SPAG16: variants seen among roughly 807,000 people sequenced by gnomAD.
The protein encoded by SPAG16 is sperm-associated antigen 16 protein.
Under a neutral mutation model 80.4 loss-of-function variants are expected in SPAG16, and 86 were observed. That is an observed-to-expected ratio of 1.07 (90% CI 0.90 to 1.28). The LOEUF (loss-of-function observed/expected upper bound fraction) is 1.28. Among genes scored for constraint, SPAG16 ranks in the 50% most tolerant of loss-of-function variants. The probability of loss-of-function intolerance (pLI) is 0.00; values close to 1 mark genes in which losing one functional copy is unlikely to be tolerated. For missense variants in SPAG16, 870 were observed against 765.3 expected (o/e 1.14, Z -1.61); for synonymous variants, 294 against 265.9 (o/e 1.11, Z -1.03).
intron 15 of SPAG16, among the ~76,000 whole-genome samples, chr2:214,227,702 ATGTGTGTGTG>A (rs3044944): frequency 0.087 from 12,702 of 145,750 alleles, 1,583 homozygotes; most frequent in African/African-American, 0.28. Flanking sequence ...TGGAAGGTGT[ATGTGTGTGTG>A]TGTGTGTGTG....
intron 12 of SPAG16, among the ~76,000 whole-genome samples, chr2:213,979,236 C>A (rs1191424525): frequency 1.3e-5 from 2 of 151,534 alleles, no homozygotes; most frequent in East Asian, 3.9e-4. Context: ...TTAGTCATGT[C>A]TCTCTTTTTA....
chr2:213,883,230 A>T (rs55730342), intron 11 of SPAG16, among the ~76,000 whole-genome samples: 90,422 of 152,042 alleles, frequency 0.59, 28,768 homozygotes, highest in South Asian at 0.85. Flanking sequence ...TAATTTCAAT[A>T]CTTTTTTATT....
At chr2:213,672,851 TTTTG>T (rs201995728) in intron 10 of SPAG16, among the ~76,000 whole-genome samples, 1,521 of 148,740 alleles carry the variant, frequency 0.01, 13 homozygotes, top group Middle Eastern at 0.046. Context: ...GTTTGTTTTA[TTTTG>T]TTTGTTTTTT....
Position 213,860,460 on chromosome 2 carries a change from CAG to C in SPAG16, c.1071-2023_1071-2022del, listed in dbSNP as rs201370784. ...ATTTATAGATATATGTATATATATA[CAG>C]ATATATCTATCTATATATATATATA... On this transcript the variant is annotated intron_variant, in intron 10 of 15. Coordinates refer to ENST00000331683, the MANE Select transcript of SPAG16 (RefSeq NM_024532.5). Among the ~76,000 whole-genome samples the C allele has an allele frequency of 6.7e-3, 880 of 131,278 alleles. 6 individuals carry two copies. The highest frequency in any genetic ancestry group is 9.8e-3 in the Non-Finnish European group (611 of 62,232). The allele number at this position is 131,278 out of a possible 152,430, so 86.1% of individuals were successfully genotyped here.
chr2:213,949,175 T>TG (rs1472151386), intron 12 of SPAG16, among the ~76,000 whole-genome samples: 2 of 17,208 alleles, frequency 1.2e-4, no homozygotes, highest in East Asian at 2.2e-3. Context: ...AACAGTTTTT[T>TG]TTTTTTTTTT....
At position 213,504,775 on chromosome 2, in the gene SPAG16, G is replaced by T. The variant is rs543381472; in HGVS notation, c.1070+14685G>T. On this transcript the variant is annotated intron_variant, in intron 10 of 15. Coordinates refer to ENST00000331683, the MANE Select transcript of SPAG16 (RefSeq NM_024532.5). Reference sequence around the variant, plus strand: ...GGGAAAAAAGGGGAAGTTTATAAAAGCTCCAAGCTATAATCAAGTGAGGTT... The same window carrying T: ...GGGAAAAAAGGGGAAGTTTATAAAATCTCCAAGCTATAATCAAGTGAGGTT... 3.3e-5 allele frequency among the ~76,000 whole-genome samples: 5 copies of T among 152,332 alleles called. No homozygotes were observed. In the East Asian group the frequency reaches 9.6e-4, roughly 29 times the overall value.
At chr2:213,634,707 G>A (rs2062292224) in intron 10 of SPAG16, among the ~76,000 whole-genome samples, 1 of 152,094 alleles carries the variant, frequency 6.6e-6, no homozygotes, top group Non-Finnish European at 1.5e-5. Context: ...TATAACCCGA[G>A]CAGTGTACAC....
intron 10 of SPAG16, among the ~76,000 whole-genome samples, chr2:213,674,612 C>T (rs1382190109): frequency 6.7e-6 from 1 of 149,200 alleles, no homozygotes; most frequent in Non-Finnish European, 1.5e-5. Flanking sequence ...TCAATTCCCA[C>T]CTATGAGTGA....
intron 12 of SPAG16, among the ~76,000 whole-genome samples, chr2:214,011,896 A>G (rs1346072143): frequency 6.6e-6 from 1 of 152,062 alleles, no homozygotes; most frequent in Non-Finnish European, 1.5e-5. Context: ...GGAAGGGCAT[A>G]TTTTGCTTCT....
At chr2:214,140,650 C>A (rs934329702) in intron 14 of SPAG16, among the ~76,000 whole-genome samples, 6 of 151,422 alleles carry the variant, frequency 4.0e-5, no homozygotes, top group African/African-American at 1.5e-4. Flanking sequence ...TTAGTTATAC[C>A]TTGTGGCTAG....
chr2:214,048,787 T>A (rs573471798), intron 13 of SPAG16, among the ~76,000 whole-genome samples: 1 of 152,330 alleles, frequency 6.6e-6, no homozygotes, highest in Admixed American at 6.5e-5. Flanking sequence ...ATTGCATGCC[T>A]GTATTAAAAT....
chr2:214,184,257 T>C (rs946760110), intron 15 of SPAG16, among the ~76,000 whole-genome samples: 1 of 152,036 alleles, frequency 6.6e-6, no homozygotes, highest in African/African-American at 2.4e-5. Context: ...AAATAAAATT[T>C]TATTATAATT....
intron 15 of SPAG16, among the ~76,000 whole-genome samples, chr2:214,315,501 T>A (rs914211168): frequency 6.9e-6 from 1 of 144,186 alleles, no homozygotes; most frequent in Admixed American, 7.0e-5. Flanking sequence ...GCCCCATCTT[T>A]TTTATTTATT....
intron 10 of SPAG16, among the ~76,000 whole-genome samples, chr2:213,850,103 T>C (rs2074826767): frequency 1.3e-5 from 2 of 152,226 alleles, no homozygotes; most frequent in Admixed American, 1.3e-4. Flanking sequence ...TCATTTCATT[T>C]ACCTAAATAG....
chr2:214,053,713 A>T (rs2049783203), intron 13 of SPAG16, among the ~76,000 whole-genome samples: 1 of 152,236 alleles, frequency 6.6e-6, no homozygotes, highest in South Asian at 2.1e-4. Context: ...TCACAACAGT[A>T]CAAGTGATGA....
intron 15 of SPAG16, among the ~76,000 whole-genome samples, chr2:214,273,367 A>T (rs1278554257): frequency 6.6e-6 from 1 of 152,116 alleles, no homozygotes; most frequent in African/African-American, 2.4e-5. Flanking sequence ...GCCCTTGCCC[A>T]TGCCTATGTC....
chr2:213,621,568 A>C (rs2061787536), intron 10 of SPAG16, among the ~76,000 whole-genome samples: 1 of 152,284 alleles, frequency 6.6e-6, no homozygotes, highest in African/African-American at 2.4e-5. Flanking sequence ...GGAGATAGGA[A>C]AGGAAATAGA....
At chr2:214,293,726 G>A (rs1028348311) in intron 15 of SPAG16, among the ~76,000 whole-genome samples, 20 of 152,138 alleles carry the variant, frequency 1.3e-4, no homozygotes, top group Non-Finnish European at 2.8e-4. Context: ...AGCAGCAGTG[G>A]TATTTCTCCT....
intron 15 of SPAG16, among the ~76,000 whole-genome samples, chr2:214,201,781 C>G (rs2058015679): frequency 6.6e-6 from 1 of 152,106 alleles, no homozygotes; most frequent in South Asian, 2.1e-4. Flanking sequence ...ATGCTATTGC[C>G]TGAGCTGCAA....
Sources: gnomAD v4.1 joint callset for allele counts (sites outside exome capture counted in the v4.1 genomes callset) on GRCh38, gnomAD v4.1.1 for gene constraint, MANE v1.5 for transcripts, NCBI Gene and HGNC (gene_info 2026-07-23, HGNC 2026-07-21) for gene names.